The following ZC3H8 variants were observed in gnomAD, a reference collection of about 807,000 sequenced individuals.
ZC3H8 encodes the protein zinc finger CCCH-type containing 8.
A neutral mutation model predicts 42.5 loss-of-function variants in ZC3H8; 27 were observed. The observed-to-expected ratio is 0.64, with a 90% CI of 0.47 to 0.88. The LOEUF (loss-of-function observed/expected upper bound fraction) is 0.88. Ranked by LOEUF, ZC3H8 falls within the 40% of genes least tolerant of loss-of-function variation. ZC3H8 has a pLI of 0.00. For missense variants in ZC3H8, 277 were observed against 336.1 expected, an observed-to-expected ratio of 0.82 and a Z score of 1.37; for synonymous variants, 101 against 110.1, an observed-to-expected ratio of 0.92 and a Z score of 0.52.
intron 8 of ZC3H8, among the ~76,000 whole-genome samples, chr2:112,220,794 CT>C (rs531587844): frequency 1.1e-3 from 170 of 152,294 alleles, no homozygotes; most frequent in African/African-American, 3.9e-3. Context: ...GCACTTCAGC[CT>C]GAGCAAAAAG....
At chr2:112,228,336 T>TA (rs1684939006) in intron 8 of ZC3H8, among the ~76,000 whole-genome samples, 1 of 152,050 alleles carries the variant, frequency 6.6e-6, no homozygotes, top group Admixed American at 6.6e-5. Flanking sequence ...AGCCTGTCTC[T>TA]ACTAAAAATA....
At chr2:112,247,718 C>T (rs1360151679) in intron 2 of ZC3H8, among the ~76,000 whole-genome samples, 2 of 152,214 alleles carry the variant, frequency 1.3e-5, no homozygotes, top group Non-Finnish European at 2.9e-5. Context: ...TCTCACAGTA[C>T]TGTTTTGCAG....
At chr2:112,245,547 A>T (rs1685730979) in intron 2 of ZC3H8, among the ~76,000 whole-genome samples, 1 of 152,194 alleles carries the variant, frequency 6.6e-6, no homozygotes, top group Non-Finnish European at 1.5e-5. Flanking sequence ...CCAGCTACTC[A>T]GGAGGCTGAA....
chr2:112,224,021 C>A (rs193198986), intron 8 of ZC3H8, among the ~76,000 whole-genome samples: 1 of 152,026 alleles, frequency 6.6e-6, no homozygotes, highest in Non-Finnish European at 1.5e-5. Context: ...TGCCTGTAAT[C>A]CCAGCTACCC....
intron 4 of ZC3H8, among the ~76,000 whole-genome samples, chr2:112,235,415 AG>A (rs1455722318): frequency 2.0e-5 from 3 of 152,218 alleles, no homozygotes; most frequent in African/African-American, 7.2e-5. Flanking sequence ...GAATATTGAC[AG>A]GGGGTTGAGA....
At position 112,248,910 on chromosome 2, in the gene ZC3H8, T is replaced by C. The variant is rs183996345; in HGVS notation, c.156+1281A>G. On this transcript the variant is annotated intron_variant, in intron 2 of 8. Coordinates refer to ENST00000409573, the MANE Select transcript of ZC3H8 (RefSeq NM_032494.3). ...CTGATTTCCTTATAAAAAAGGAAAA[T>C]TCAGCCGGGCACAGTCGCTCAGGCC... Among the ~76,000 whole-genome samples the C allele has an allele frequency of 1.9e-4, 29 of 152,162 alleles. No homozygotes were observed. In the East Asian group the frequency reaches 5.4e-3, roughly 28 times the overall value.
At chr2:112,219,172 A>G (rs1684473528) in intron 8 of ZC3H8, among the ~76,000 whole-genome samples, 1 of 152,230 alleles carries the variant, frequency 6.6e-6, no homozygotes, top group Admixed American at 6.5e-5. Flanking sequence ...TGGGAGACTC[A>G]CACTTCCTGA....
intron 8 of ZC3H8, among the ~76,000 whole-genome samples, chr2:112,226,416 G>A (rs933258031): frequency 2.6e-5 from 4 of 151,410 alleles, no homozygotes; most frequent in South Asian, 2.1e-4. Flanking sequence ...GTGAAACCCC[G>A]TCTCTACTAA....
intron 3 of ZC3H8, among the ~76,000 whole-genome samples, chr2:112,237,350 A>G (rs1685380253): frequency 1.3e-5 from 2 of 152,236 alleles, no homozygotes; most frequent in Admixed American, 6.5e-5. Flanking sequence ...CTGCAACAGT[A>G]AAACTTTAAG....
At chr2:112,229,813 T>C (rs1321371110) in intron 8 of ZC3H8, among the ~76,000 whole-genome samples, 2 of 151,442 alleles carry the variant, frequency 1.3e-5, no homozygotes, top group Non-Finnish European at 2.9e-5. Context: ...GCTCCAAAAC[T>C]TAAAAAAAAA....
chr2:112,253,261 T>C (rs1170938106), intron 1 of ZC3H8, among the ~76,000 whole-genome samples: 7 of 152,236 alleles, frequency 4.6e-5, no homozygotes, highest in Non-Finnish European at 7.3e-5. Context: ...TATTTATGTA[T>C]GTCTCCCCCT....
chr2:112,214,713 G>A lies in ZC3H8; in HGVS notation c.*1771C>T. ...CTCGGAAATCTGCTCTGAGGAACCAGAGCAAACTGTACAGAGGAAAGGGGA... is the reference window on the plus strand; with the variant it reads ...CTCGGAAATCTGCTCTGAGGAACCAAAGCAAACTGTACAGAGGAAAGGGGA... On this transcript the variant is annotated 3_prime_UTR_variant, in exon 9 of 9. Transcript: ENST00000409573. 1 of 152,212 alleles carries A rather than the reference G, an allele frequency of 6.6e-6. No homozygotes were observed. The highest frequency in any genetic ancestry group is 1.9e-4 in the East Asian group (1 of 5,186). 9.4% of individuals were successfully genotyped at this position (152,212 alleles called of 1,614,324 possible). A position where few individuals can be genotyped will look rare whatever the true frequency, so the allele number is the denominator to read the frequency against.
chr2:112,229,206 T>A (rs1207445093), intron 8 of ZC3H8, among the ~76,000 whole-genome samples: 1 of 152,090 alleles, frequency 6.6e-6, no homozygotes, highest in African/African-American at 2.4e-5. Flanking sequence ...GCAGTCTTTT[T>A]AATTAAATAA....
At chr2:112,217,326 T>A (rs139233669) in intron 8 of ZC3H8, among the ~76,000 whole-genome samples, 1 of 152,132 alleles carries the variant, frequency 6.6e-6, no homozygotes, top group African/African-American at 2.4e-5. Flanking sequence ...TGAGCAAAGA[T>A]CGTGCCACTT....
chr2:112,228,324 A>G (rs1268753436), intron 8 of ZC3H8, among the ~76,000 whole-genome samples: 1 of 152,158 alleles, frequency 6.6e-6, no homozygotes, highest in Non-Finnish European at 1.5e-5. Flanking sequence ...CAACATAGTG[A>G]AAGCCTGTCT....
At chr2:112,239,466 T>C (rs1263280798) in intron 2 of ZC3H8, among the ~76,000 whole-genome samples, 1 of 152,148 alleles carries the variant, frequency 6.6e-6, no homozygotes, top group Non-Finnish European at 1.5e-5. Context: ...GGGCCTGGTC[T>C]CTTATTTGCT....
intron 8 of ZC3H8, among the ~76,000 whole-genome samples, chr2:112,227,393 C>T (rs1684888434): frequency 6.6e-6 from 1 of 152,164 alleles, no homozygotes; most frequent in Non-Finnish European, 1.5e-5. Context: ...GGCGTGGTGG[C>T]AGATGCCTGC....
chr2:112,247,487 G>C (rs970690795), intron 2 of ZC3H8, among the ~76,000 whole-genome samples: 3 of 152,210 alleles, frequency 2.0e-5, no homozygotes, highest in African/African-American at 7.2e-5. Context: ...GCTGAGGCAG[G>C]AGAATTGCTT....
At chr2:112,232,089 C>T in intron 6 of ZC3H8, 142 bp from the exon 7 acceptor site, 1 of 425,038 alleles carries the variant, frequency 2.4e-6, no homozygotes, top group Non-Finnish European at 4.1e-6. Flanking sequence ...GTGGGCAGAT[C>T]ACTTGAGGCC....
Sources: gnomAD v4.1 joint callset for allele counts (sites outside exome capture counted in the v4.1 genomes callset) on GRCh38, gnomAD v4.1.1 for gene constraint, MANE v1.5 for transcripts, NCBI Gene and HGNC (gene_info 2026-07-23, HGNC 2026-07-21) for gene names.